Variants in BRD10 observed in about 807,000 individuals in gnomAD.
BRD10 encodes uncharacterized bromodomain-containing protein 10.
At chr9:5,980,762 A>G in the BRD10 span, among the ~76,000 whole-genome samples, 1 of 152,166 alleles carries the variant, frequency 6.6e-6, no homozygotes, top group Non-Finnish European at 1.5e-5. Flanking sequence ...AAATTATCAG[A>G]TGTCCATCAG....
chr9:5,968,863 G>A, the BRD10 span: 2 of 1,613,086 alleles, frequency 1.2e-6, no homozygotes, highest in African/African-American at 1.3e-5. Context: ...TAACTTCCCT[G>A]CATTCATGGA....
chr9:5,916,525 GTA>G, the BRD10 span, among the ~76,000 whole-genome samples: 55 of 147,074 alleles, frequency 3.7e-4, no homozygotes, highest in Middle Eastern at 3.6e-3. Flanking sequence ...ACATATGTGT[GTA>G]TATATATGTA....
At chr9:5,881,539 C>T in the BRD10 span, 8 of 136,556 alleles carry the variant, frequency 5.9e-5, no homozygotes, top group South Asian at 2.4e-4. Context: ...GTGCTGGGGC[C>T]TGGGTAACCC....
chr9:5,968,688 C>T, the BRD10 span: 3 of 1,613,826 alleles, frequency 1.9e-6, no homozygotes, highest in Non-Finnish European at 2.5e-6. Flanking sequence ...CTAACATAGT[C>T]ACACTTCAAT....
chr9:5,998,451 A>G, the BRD10 span, among the ~76,000 whole-genome samples: 1 of 152,098 alleles, frequency 6.6e-6, no homozygotes, highest in Admixed American at 6.5e-5. Context: ...TCCTACCACC[A>G]CAGGTATCTA....
At chr9:5,899,349 T>G in the BRD10 span, 1 of 152,194 alleles carries the variant, frequency 6.6e-6, no homozygotes. Flanking sequence ...ATTCTTTCCC[T>G]CTTTGCCAAG....
the BRD10 span, among the ~76,000 whole-genome samples, chr9:5,926,522 T>G: frequency 2.0e-5 from 3 of 152,074 alleles, no homozygotes; most frequent in African/African-American, 7.2e-5. Flanking sequence ...TGCCCAGGCT[T>G]TAAATTTTTT....
At chr9:5,968,567 T>G in the BRD10 span, 1 of 1,613,936 alleles carries the variant, frequency 6.2e-7, no homozygotes, top group Non-Finnish European at 8.5e-7. Context: ...GTCATGATTA[T>G]CCAAGATCAT....
the BRD10 span, among the ~76,000 whole-genome samples, chr9:5,898,616 G>T: frequency 6.6e-5 from 10 of 152,158 alleles, no homozygotes; most frequent in Non-Finnish European, 1.2e-4. Context: ...GGTTTATAGG[G>T]CACAGGGGAA....
the BRD10 span, among the ~76,000 whole-genome samples, chr9:5,882,338 C>A: frequency 6.6e-6 from 1 of 152,282 alleles, no homozygotes; most frequent in South Asian, 2.1e-4. Flanking sequence ...CCCTTACACC[C>A]CACCTCTAGA....
chr9:5,925,485 T>C, the BRD10 span, among the ~76,000 whole-genome samples: 2 of 152,068 alleles, frequency 1.3e-5, no homozygotes, highest in African/African-American at 4.8e-5. Context: ...ATGAGACAAC[T>C]AATTTTTTTT....
At chr9:5,892,413 G>A in the BRD10 span, 9 of 1,488,184 alleles carry the variant, frequency 6.0e-6, no homozygotes, top group Non-Finnish European at 8.3e-6. Context: ...GGGTGGCTTT[G>A]GATGCATTAA....
chr9:5,963,802 G>A, the BRD10 span, among the ~76,000 whole-genome samples: 1 of 151,956 alleles, frequency 6.6e-6, no homozygotes, highest in Non-Finnish European at 1.5e-5. Flanking sequence ...CAAGCAATGG[G>A]GAAAGGATTC....
At chr9:5,905,819 A>C in the BRD10 span, among the ~76,000 whole-genome samples, 1 of 152,204 alleles carries the variant, frequency 6.6e-6, no homozygotes, top group Non-Finnish European at 1.5e-5. Context: ...ATCATAACCC[A>C]ACCACCTCAG....
the BRD10 span, chr9:5,921,531 C>T: frequency 6.2e-7 from 1 of 1,613,900 alleles, no homozygotes; most frequent in East Asian, 2.2e-5. Flanking sequence ...ATATTAATTG[C>T]AGTTCCATTG....
chr9:5,973,975 G>A, the BRD10 span, among the ~76,000 whole-genome samples: 5 of 152,166 alleles, frequency 3.3e-5, no homozygotes, highest in East Asian at 1.9e-4. Flanking sequence ...TGGTGATGGT[G>A]ATAGTTGAAG....
chr9:5,996,476 G>A, the BRD10 span, among the ~76,000 whole-genome samples: 1 of 151,990 alleles, frequency 6.6e-6, no homozygotes, highest in Non-Finnish European at 1.5e-5. Flanking sequence ...ATGCCACTAT[G>A]CCTGGCTAAT....
At chr9:5,928,334 G>A in the BRD10 span, among the ~76,000 whole-genome samples, 89 of 152,166 alleles carry the variant, frequency 5.8e-4, no homozygotes, top group African/African-American at 2.1e-3. Context: ...TTTCATCTTT[G>A]TCCTATTACA....
the BRD10 span, among the ~76,000 whole-genome samples, chr9:5,944,085 A>T: frequency 1.3e-5 from 2 of 152,158 alleles, no homozygotes; most frequent in African/African-American, 2.4e-5. Context: ...CATAGATCTA[A>T]AAGTGGCTTC....
Sources: gnomAD v4.1 joint callset for allele counts (sites outside exome capture counted in the v4.1 genomes callset) on GRCh38, gnomAD v4.1.1 for gene constraint, MANE v1.5 for transcripts, NCBI Gene and HGNC (gene_info 2026-07-23, HGNC 2026-07-21) for gene names.